CCDC172: variants seen among roughly 807,000 people sequenced by gnomAD.
The protein encoded by CCDC172 is coiled-coil domain containing 172.
In CCDC172, 30 loss-of-function variants were observed where a neutral mutation model predicts 38.0. The observed-to-expected ratio is 0.79, with a 90% CI of 0.59 to 1.07. CCDC172 has a LOEUF of 1.07. Among genes scored for constraint, CCDC172 ranks in the 50% least tolerant of loss-of-function variants. The probability of loss-of-function intolerance (pLI) is 0.00; values close to 1 mark genes in which losing one functional copy is unlikely to be tolerated. For missense variants in CCDC172, 297 were observed against 290.1 expected (o/e 1.02, Z -0.17); for synonymous variants, 78 against 88.3 (o/e 0.88, Z 0.66).
intron 7 of CCDC172, among the ~76,000 whole-genome samples, chr10:116,362,032 C>CA (rs1236041701): frequency 7.9e-5 from 12 of 151,800 alleles, no homozygotes; most frequent in Middle Eastern, 3.4e-3. Context: ...ACTAAAAATA[C>CA]AAAAAAAACT....
At position 116,357,301 on chromosome 10, in the gene CCDC172, T is replaced by C. The variant is rs529926499; in HGVS notation, c.449-79T>C. The C allele has an allele frequency of 6.4e-5, 52 of 808,992 alleles. 1 individual carries two copies. In the South Asian group the frequency reaches 8.0e-4, roughly 13 times the overall value. 50.1% of individuals were successfully genotyped at this position (808,992 alleles called of 1,614,324 possible). On this transcript the variant is annotated intron_variant, in intron 5 of 8. Transcript: ENST00000333254. Reference sequence around the variant, plus strand: ...TCTTTCATCTGTGTTTTATAGTTTTTAGTGTACAGGTCTTTTACTTCCGGG... The same window carrying C: ...TCTTTCATCTGTGTTTTATAGTTTTCAGTGTACAGGTCTTTTACTTCCGGG...
chr10:116,355,235 T>A (rs1347314162), intron 5 of CCDC172, among the ~76,000 whole-genome samples: 1 of 152,182 alleles, frequency 6.6e-6, no homozygotes, highest in Non-Finnish European at 1.5e-5. Flanking sequence ...GTATACCATT[T>A]TTTATCTTTT....
intron 7 of CCDC172, among the ~76,000 whole-genome samples, chr10:116,361,880 A>G (rs1170680257): frequency 6.6e-6 from 1 of 152,170 alleles, no homozygotes; most frequent in Non-Finnish European, 1.5e-5. Flanking sequence ...TTTCACATGT[A>G]TATATTTTTT....
At chr10:116,333,815 GAA>G (rs1844696443) in intron 3 of CCDC172, among the ~76,000 whole-genome samples, 3 of 152,092 alleles carry the variant, frequency 2.0e-5, no homozygotes. Context: ...GGGTTATTTT[GAA>G]AAGAGTTGAC....
chr10:116,341,898 AC>A, intron 4 of CCDC172, 137 bp from the exon 5 acceptor site: 1 of 536,592 alleles, frequency 1.9e-6, no homozygotes, highest in Non-Finnish European at 2.7e-6. Flanking sequence ...TGAGAAAAAA[AC>A]ATTTTTGCCA....
At chr10:116,342,426 ATATCTGT>A in intron 5 of CCDC172, 1 of 385,300 alleles carries the variant, frequency 2.6e-6, no homozygotes, top group Non-Finnish European at 4.6e-6. Flanking sequence ...TAATAAATAA[ATATCTGT>A]TATGTGATAG....
chr10:116,341,858 A>T (rs572443026), intron 4 of CCDC172, among the ~76,000 whole-genome samples, 178 bp from the exon 5 acceptor site: 1 of 152,010 alleles, frequency 6.6e-6, no homozygotes, highest in Non-Finnish European at 1.5e-5. Flanking sequence ...GTTACTATAT[A>T]ATAGCTTCAG....
intron 5 of CCDC172, among the ~76,000 whole-genome samples, chr10:116,356,686 A>G (rs1013395384): frequency 7.2e-5 from 11 of 152,150 alleles, no homozygotes; most frequent in Non-Finnish European, 1.5e-4. Context: ...TTGTCATGAG[A>G]ATAAAGGGAG....
intron 7 of CCDC172, among the ~76,000 whole-genome samples, chr10:116,373,273 A>G (rs541494244): frequency 6.6e-6 from 1 of 152,200 alleles, no homozygotes; most frequent in African/African-American, 2.4e-5. Flanking sequence ...ATGAAAGATA[A>G]TGAAGATAAA....
At chr10:116,334,982 T>C (rs1434992234) in intron 3 of CCDC172, among the ~76,000 whole-genome samples, 2 of 152,100 alleles carry the variant, frequency 1.3e-5, no homozygotes, top group African/African-American at 2.4e-5. Context: ...CTGGTTGGCA[T>C]CTAGCTTTTT....
intron 7 of CCDC172, among the ~76,000 whole-genome samples, chr10:116,375,484 C>T (rs1845234482): frequency 7.2e-6 from 1 of 138,090 alleles, no homozygotes; most frequent in African/African-American, 2.7e-5. Flanking sequence ...TGTGATGTTC[C>T]CCTCCCTGTG....
intron 5 of CCDC172, among the ~76,000 whole-genome samples, chr10:116,347,313 C>G (rs2134933171): frequency 6.6e-6 from 1 of 152,182 alleles, no homozygotes; most frequent in Admixed American, 6.5e-5. Flanking sequence ...GCATGATCAA[C>G]CCATGTTGAT....
At position 116,324,981 on chromosome 10, in the gene CCDC172, G is replaced by A. The variant is rs2134894861; in HGVS notation, c.-31G>A. 6.3e-7 allele frequency: 1 copy of A among 1,577,266 alleles called. No individual in the cohort carries two copies. The highest frequency in any genetic ancestry group is 2.2e-5 in the East Asian group (1 of 44,720). On this transcript the variant is annotated 5_prime_UTR_variant, in exon 2 of 9. Coordinates refer to ENST00000333254, the MANE Select transcript of CCDC172 (RefSeq NM_198515.3). Reference sequence around the variant, plus strand: ...AGTTGGTTATAAAATATTTAAGGGCGAGAAAAGGATCGCAGGAGCCAGGCC... The same window carrying A: ...AGTTGGTTATAAAATATTTAAGGGCAAGAAAAGGATCGCAGGAGCCAGGCC...
At chr10:116,351,790 G>A (rs1176994900) in intron 5 of CCDC172, among the ~76,000 whole-genome samples, 1 of 152,124 alleles carries the variant, frequency 6.6e-6, no homozygotes, top group Non-Finnish European at 1.5e-5. Context: ...CCTTCTCACT[G>A]GATATAGTTT....
At chr10:116,358,016 C>T (rs1476242678) in intron 7 of CCDC172, 78 bp downstream of exon 7, 12 of 721,404 alleles carry the variant, frequency 1.7e-5, no homozygotes, top group Non-Finnish European at 2.8e-5. Flanking sequence ...AAGCTAAGTG[C>T]ATCAATTATT....
chr10:116,362,909 A>C (rs1200873774), intron 7 of CCDC172, among the ~76,000 whole-genome samples: 1 of 152,150 alleles, frequency 6.6e-6, no homozygotes, highest in Non-Finnish European at 1.5e-5. Flanking sequence ...TGTTTTGTGA[A>C]TCCTTGGCAC....
intron 7 of CCDC172, among the ~76,000 whole-genome samples, chr10:116,359,303 T>G (rs1158878511): frequency 5.3e-5 from 8 of 152,136 alleles, no homozygotes; most frequent in Admixed American, 5.2e-4. Context: ...AAGGCCAAAA[T>G]TAAGTTGATG....
chr10:116,346,674 A>T lies in CCDC172; in HGVS notation c.448+4473A>T, dbSNP rs1009586871. 6.0e-5 allele frequency among the ~76,000 whole-genome samples: 9 copies of T among 150,992 alleles called. No homozygotes were observed. The South Asian group carries it at 6.3e-4, about 11-fold the overall frequency. ...AAATTAAGAAAAAAAAAAGTCCCTG[A>T]TATCACAGATGCTATTGGAGCCCTC... On this transcript the variant is annotated intron_variant, in intron 5 of 8. Transcript: ENST00000333254.
chr10:116,364,422 T>C (rs1194821739), intron 7 of CCDC172, among the ~76,000 whole-genome samples: 1 of 152,158 alleles, frequency 6.6e-6, no homozygotes, highest in Non-Finnish European at 1.5e-5. Flanking sequence ...GTTTATGCCA[T>C]TTGACCCAAT....
Sources: allele counts gnomAD v4.1 joint callset (sites outside exome capture counted in the v4.1 genomes callset), GRCh38; gene constraint gnomAD v4.1.1; transcripts MANE v1.5; gene names NCBI Gene and HGNC (gene_info 2026-07-23, HGNC 2026-07-21).